Variants in TCF12 observed in about 807,000 individuals in gnomAD.
TCF12 encodes the protein transcription factor 12.
TCF12 carries 45 observed loss-of-function variants against 86.0 expected under a neutral mutation model. The observed-to-expected ratio is 0.52, with a 90% CI of 0.41 to 0.67. TCF12 has a LOEUF of 0.67. TCF12 is among the 30% of genes least tolerant of loss of function. TCF12 has a pLI of 0.00. For missense variants in TCF12, 881 were observed against 859.9 expected (o/e 1.02, Z -0.31); for synonymous variants, 330 against 299.6 (o/e 1.10, Z -1.05).
intron 5 of TCF12, among the ~76,000 whole-genome samples, chr15:57,126,252 A>G (rs1212824123): frequency 6.6e-6 from 1 of 152,162 alleles, no homozygotes; most frequent in African/African-American, 2.4e-5. Context: ...AAAAAAACAA[A>G]GCATCTGATT....
At chr15:57,165,868 GAGA>G (rs1334538733) in intron 5 of TCF12, among the ~76,000 whole-genome samples, 1 of 152,080 alleles carries the variant, frequency 6.6e-6, no homozygotes, top group Non-Finnish European at 1.5e-5. Flanking sequence ...AGAGAAAGAA[GAGA>G]AGAAGGTTCA....
At chr15:57,248,325 C>T (rs1375435213) in intron 13 of TCF12, among the ~76,000 whole-genome samples, 1 of 152,142 alleles carries the variant, frequency 6.6e-6, no homozygotes, top group Non-Finnish European at 1.5e-5. Context: ...CCTCCCACAC[C>T]CCTTGTGAAC....
At chr15:57,017,903 T>C (rs1462111827) in intron 3 of TCF12, among the ~76,000 whole-genome samples, 1 of 152,186 alleles carries the variant, frequency 6.6e-6, no homozygotes, top group Non-Finnish European at 1.5e-5. Flanking sequence ...TCACATAATA[T>C]AATCTGGGAA....
intron 5 of TCF12, among the ~76,000 whole-genome samples, chr15:57,130,682 C>CT (rs1207626190): frequency 2.6e-5 from 4 of 151,816 alleles, no homozygotes; most frequent in Admixed American, 6.6e-5. Flanking sequence ...TAAAGAGATT[C>CT]TTTTTTTTCT....
chr15:57,160,872 T>C lies in TCF12; in HGVS notation c.326-5530T>C, dbSNP rs540236072. 2.4e-4 allele frequency among the ~76,000 whole-genome samples: 37 copies of C among 151,982 alleles called. No homozygotes were observed. The South Asian group carries it at 7.3e-3, about 30-fold the overall frequency. ...GCTAAGTTTTTTTTTTTATTTTTTA[T>C]AAAGGTCAGTTCTCACTATGTTGCC... On this transcript the variant is annotated intron_variant, in intron 5 of 20. Transcript: ENST00000333725.
chr15:57,244,647 G>A (rs1210276931), intron 13 of TCF12, among the ~76,000 whole-genome samples: 1 of 152,072 alleles, frequency 6.6e-6, no homozygotes, highest in Non-Finnish European at 1.5e-5. Context: ...TTTTTGTAGA[G>A]ATGGAGTTTC....
At chr15:57,284,455 C>A (rs1033380140) in intron 20 of TCF12, among the ~76,000 whole-genome samples, 1 of 152,198 alleles carries the variant, frequency 6.6e-6, no homozygotes, top group Non-Finnish European at 1.5e-5. Flanking sequence ...AGCGATCCGA[C>A]CACCTCGGCT....
intron 8 of TCF12, among the ~76,000 whole-genome samples, chr15:57,198,938 CTG>C (rs376551980): frequency 3.4e-4 from 51 of 152,222 alleles, no homozygotes; most frequent in African/African-American, 1.2e-3. Flanking sequence ...TCCTTCTTTT[CTG>C]TGTTATTCCC....
intron 3 of TCF12, among the ~76,000 whole-genome samples, chr15:56,943,213 G>A (rs1304131173): frequency 6.6e-6 from 1 of 152,050 alleles, no homozygotes; most frequent in East Asian, 1.9e-4. Flanking sequence ...GAGGATAATA[G>A]GGGATCACTA....
chr15:57,123,982 A>AAAAAAAAAAAAAAAAAAAT (rs1555511574), intron 5 of TCF12, among the ~76,000 whole-genome samples: 8 of 111,266 alleles, frequency 7.2e-5, no homozygotes, highest in African/African-American at 2.4e-4. Flanking sequence ...AAAAAAAAAA[A>AAAAAAAAAAAAAAAAAAAT]TTTTTTTTTT....
intron 3 of TCF12, among the ~76,000 whole-genome samples, chr15:56,941,055 C>G (rs1242698207): frequency 6.7e-5 from 10 of 149,446 alleles, no homozygotes; most frequent in African/African-American, 2.5e-4. Flanking sequence ...GCCACCGTGC[C>G]AGGCCTTTAA....
chr15:57,072,681 T>C, intron 4 of TCF12: 1 of 1,307,862 alleles, frequency 7.6e-7, no homozygotes, highest in Non-Finnish European at 1.0e-6. Context: ...AGCAGTTAAA[T>C]AGCAAAGCAA....
chr15:57,290,933 GAC>G (rs1472549235), downstream of TCF12: 36 of 152,306 alleles, frequency 2.4e-4, no homozygotes, highest in African/African-American at 8.4e-4. Flanking sequence ...AAGTCACTGA[GAC>G]AATAGCTGAT....
At chr15:56,921,560 A>C (rs1273943693) in intron 3 of TCF12, among the ~76,000 whole-genome samples, 1 of 151,958 alleles carries the variant, frequency 6.6e-6, no homozygotes, top group African/African-American at 2.4e-5. Context: ...TTTAACTTTT[A>C]AAAACTCATA....
intron 3 of TCF12, among the ~76,000 whole-genome samples, chr15:56,942,771 T>C (rs2060835676): frequency 6.6e-6 from 1 of 152,198 alleles, no homozygotes; most frequent in Non-Finnish European, 1.5e-5. Context: ...TATATTCCTT[T>C]CCATTTCTTT....
chr15:57,160,232 C>G (rs1225984762), intron 5 of TCF12, among the ~76,000 whole-genome samples: 1 of 152,204 alleles, frequency 6.6e-6, no homozygotes, highest in Non-Finnish European at 1.5e-5. Context: ...TTCAGCATGG[C>G]TGGAGAGGCC....
At chr15:57,150,857 G>A (rs1308524323) in intron 5 of TCF12, among the ~76,000 whole-genome samples, 3 of 89,766 alleles carry the variant, frequency 3.3e-5, no homozygotes, top group Admixed American at 3.0e-4. Flanking sequence ...CTCCCTCCCT[G>A]TCTCTCCCCC....
intron 3 of TCF12, among the ~76,000 whole-genome samples, chr15:57,023,440 G>C (rs1391542071): frequency 6.6e-6 from 1 of 151,954 alleles, no homozygotes; most frequent in Non-Finnish European, 1.5e-5. Context: ...ACCAATTGAT[G>C]ATCACAACTT....
At chr15:56,965,305 G>A (rs905113619) in intron 3 of TCF12, among the ~76,000 whole-genome samples, 2 of 152,106 alleles carry the variant, frequency 1.3e-5, no homozygotes, top group African/African-American at 4.8e-5. Context: ...TAGGGACCTG[G>A]TAGAAGTTTT....
Sources: gnomAD v4.1 joint callset for allele counts (sites outside exome capture counted in the v4.1 genomes callset) on GRCh38, gnomAD v4.1.1 for gene constraint, MANE v1.5 for transcripts, NCBI Gene and HGNC (gene_info 2026-07-23, HGNC 2026-07-21) for gene names.